Variants in AFF3 observed in about 807,000 individuals in gnomAD.
AFF3 encodes the protein ALF transcription elongation factor 3.
A neutral mutation model predicts 129.7 loss-of-function variants in AFF3; 32 were observed. That is an observed-to-expected ratio of 0.25 (90% CI 0.19 to 0.33). AFF3 has a LOEUF of 0.33. Ranked by LOEUF, AFF3 falls within the 10% of genes least tolerant of loss-of-function variation. AFF3 has a pLI of 1.00. For missense variants in AFF3, 1,373 were observed against 1,592.0 expected, an observed-to-expected ratio of 0.86 and a Z score of 2.34; for synonymous variants, 644 against 635.4, an observed-to-expected ratio of 1.01 and a Z score of -0.20.
chr2:99,848,354 C>G (rs1231679487), intron 7 of AFF3, among the ~76,000 whole-genome samples: 1 of 152,164 alleles, frequency 6.6e-6, no homozygotes, highest in Non-Finnish European at 1.5e-5. Context: ...TCTATCTGGA[C>G]AGAATGCAGA....
intron 12 of AFF3, among the ~76,000 whole-genome samples, chr2:99,671,965 G>A (rs537238716): frequency 5.9e-5 from 9 of 152,274 alleles, no homozygotes; most frequent in African/African-American, 2.2e-4. Flanking sequence ...CACCAGGGGA[G>A]AATATTTCAA....
At chr2:99,985,869 T>C (rs1679809914) in intron 7 of AFF3, among the ~76,000 whole-genome samples, 1 of 152,042 alleles carries the variant, frequency 6.6e-6, no homozygotes, top group Non-Finnish European at 1.5e-5. Context: ...TAGGATTACT[T>C]TTCTATATAG....
chr2:99,659,235 T>C (rs1299251102), intron 12 of AFF3, among the ~76,000 whole-genome samples: 1 of 152,120 alleles, frequency 6.6e-6, no homozygotes, highest in Non-Finnish European at 1.5e-5. Context: ...CAGAATCAGG[T>C]GGCTGAAATG....
intron 4 of AFF3, among the ~76,000 whole-genome samples, chr2:100,024,465 G>A (rs909649332): frequency 2.7e-5 from 4 of 150,938 alleles, no homozygotes; most frequent in Non-Finnish European, 2.9e-5. Flanking sequence ...AAAATTAGCC[G>A]GGCATGGTGG....
chr2:99,935,951 C>T (rs890098656), intron 7 of AFF3, among the ~76,000 whole-genome samples: 5 of 152,104 alleles, frequency 3.3e-5, no homozygotes, highest in African/African-American at 1.2e-4. Context: ...CAGTAAGTAA[C>T]CCGGTTACTC....
chr2:99,793,217 C>T (rs537716367), intron 8 of AFF3, among the ~76,000 whole-genome samples: 8 of 152,318 alleles, frequency 5.3e-5, no homozygotes, highest in African/African-American at 1.9e-4. Context: ...CTTCCTTTTT[C>T]TCCAGCTCCC....
rs17022881 is a variant in AFF3 at position 99,681,326 on chromosome 2, T to C, written c.1092-8737A>G. On this transcript the variant is annotated intron_variant, in intron 11 of 24. Coordinates refer to ENST00000672756, the MANE Select transcript of AFF3 (RefSeq NM_001386135.1). Reference sequence around the variant, plus strand: ...GCCCATTGTAAACTGTAAAGCTTCATAGGAGTTTTCAGTAATGGGTTTAGC... The same window carrying C: ...GCCCATTGTAAACTGTAAAGCTTCACAGGAGTTTTCAGTAATGGGTTTAGC... Among the ~76,000 whole-genome samples the C allele has an allele frequency of 4.0e-3, 606 of 152,336 alleles. 2 individuals carry two copies. Among genetic ancestry groups the C allele is most frequent in the African/African-American group, 0.014 (577 of 41,580 alleles).
chr2:99,659,300 A>G (rs1686023522), intron 12 of AFF3, among the ~76,000 whole-genome samples: 1 of 152,244 alleles, frequency 6.6e-6, no homozygotes, highest in Admixed American at 6.5e-5. Flanking sequence ...ATGTGCACAC[A>G]TGCATACATG....
At chr2:99,922,113 A>C (rs1021077112) in intron 7 of AFF3, among the ~76,000 whole-genome samples, 6 of 152,138 alleles carry the variant, frequency 3.9e-5, no homozygotes, top group African/African-American at 1.4e-4. Flanking sequence ...ACTCTAAAAA[A>C]CCGCTGACTA....
chr2:100,001,262 A>T (rs114510544), intron 7 of AFF3, among the ~76,000 whole-genome samples: 1,984 of 152,306 alleles, frequency 0.013, 53 homozygotes, highest in African/African-American at 0.045. Flanking sequence ...TAATGATATA[A>T]GTCTGAAGGA....
At chr2:99,927,967 G>A (rs1405569287) in intron 7 of AFF3, among the ~76,000 whole-genome samples, 6 of 152,070 alleles carry the variant, frequency 3.9e-5, no homozygotes, top group Non-Finnish European at 5.9e-5. Flanking sequence ...GATAGTGCAT[G>A]GGTCTCATGA....
chr2:100,042,702 CATATGGAAATGCTA>C (rs1685537393), intron 4 of AFF3, among the ~76,000 whole-genome samples: 1 of 152,132 alleles, frequency 6.6e-6, no homozygotes, highest in South Asian at 2.1e-4. Flanking sequence ...CAAGACATGT[CATATGGAAATGCTA>C]ATGACCTAGG....
chr2:99,792,699 T>C (rs1051502524), intron 8 of AFF3, among the ~76,000 whole-genome samples: 1 of 152,220 alleles, frequency 6.6e-6, no homozygotes, highest in Non-Finnish European at 1.5e-5. Context: ...TTTTGCCAAA[T>C]GCTTTTTCTG....
At chr2:99,697,171 G>A (rs911890358) in intron 11 of AFF3, among the ~76,000 whole-genome samples, 4 of 152,220 alleles carry the variant, frequency 2.6e-5, no homozygotes, top group Non-Finnish European at 5.9e-5. Context: ...GAAGAAGTAG[G>A]AGAAAGCTGG....
chr2:99,894,509 C>T (rs1693795310), intron 7 of AFF3, among the ~76,000 whole-genome samples: 1 of 151,288 alleles, frequency 6.6e-6, no homozygotes, highest in African/African-American at 2.4e-5. Context: ...CGCTCTGTCG[C>T]CCAGGCTGGA....
chr2:99,581,231 T>C (rs1442378596), intron 17 of AFF3, among the ~76,000 whole-genome samples: 1 of 152,224 alleles, frequency 6.6e-6, no homozygotes, highest in Admixed American at 6.5e-5. Context: ...TCTCTGCGTA[T>C]CATAGTTGCT....
intron 8 of AFF3, among the ~76,000 whole-genome samples, chr2:99,760,437 T>G (rs1420139004): frequency 1.3e-5 from 2 of 152,224 alleles, no homozygotes; most frequent in Non-Finnish European, 2.9e-5. Flanking sequence ...TTGATAAAAA[T>G]GTATTTCATT....
chr2:99,608,628 C>CCT (rs1680610098), intron 13 of AFF3, among the ~76,000 whole-genome samples: 1 of 152,158 alleles, frequency 6.6e-6, no homozygotes, highest in Non-Finnish European at 1.5e-5. Flanking sequence ...CCTCAGCTCC[C>CCT]CAGCCGAGGG....
intron 4 of AFF3, among the ~76,000 whole-genome samples, chr2:100,060,290 C>G (rs1222877029): frequency 6.6e-6 from 1 of 152,218 alleles, no homozygotes; most frequent in Non-Finnish European, 1.5e-5. Flanking sequence ...CCTCATTAGT[C>G]ACTCAACACA....
Sources: allele counts gnomAD v4.1 joint callset (sites outside exome capture counted in the v4.1 genomes callset), GRCh38; gene constraint gnomAD v4.1.1; transcripts MANE v1.5; gene names NCBI Gene and HGNC (gene_info 2026-07-23, HGNC 2026-07-21).